TMEM201: variants seen among roughly 807,000 people sequenced by gnomAD.
TMEM201 encodes RP13-15M17.2.
Under a neutral mutation model 63.4 loss-of-function variants are expected in TMEM201, and 26 were observed. The ratio of observed to expected loss-of-function variants is 0.41; its 90% CI spans 0.30 to 0.57. TMEM201 has a LOEUF of 0.57. TMEM201 is among the 20% of genes least tolerant of loss of function. TMEM201 has a pLI of 0.29. For missense variants in TMEM201, 794 were observed against 917.7 expected (o/e 0.87, Z 1.74); for synonymous variants, 417 against 421.6 (o/e 0.99, Z 0.14).
intron 1 of TMEM201, among the ~76,000 whole-genome samples, chr1:9,591,913 G>T (rs548190344): frequency 6.6e-6 from 1 of 152,246 alleles, no homozygotes; most frequent in Admixed American, 6.5e-5. Flanking sequence ...CAGATGCCCC[G>T]CTTATTGGCC....
chr1:9,599,885 A>G (rs1644103827), intron 4 of TMEM201, among the ~76,000 whole-genome samples: 1 of 152,238 alleles, frequency 6.6e-6, no homozygotes, highest in South Asian at 2.1e-4. Context: ...GGCGTGAGCC[A>G]CTGCGCCCGG....
chr1:9,607,572 C>G lies in TMEM201; in HGVS notation c.1176C>G (p.Asp392Glu). 3 of 1,549,998 alleles carry G rather than the reference C, an allele frequency of 1.9e-6. No individual in the cohort carries two copies. The South Asian group carries it at 3.6e-5, about 18-fold the overall frequency. ...GCCCTTGCAGGTTCTTCCCAGGAGA[C>G]TCTGCCGGCCTTTTCCCCACCAGCC... is the stretch of plus-strand genomic sequence containing the variant. ...RFRPRRFFPG[D>E]SAGLFPTSPS... is the part of the protein sequence containing the mutation. The change falls in exon 7 of 11, where the codon GAC (aspartate) becomes GAG (glutamate). Residue 392 changes from aspartate (D) to glutamate (E), a missense_variant. Physicochemically the swap from Asp to Glu is conservative, Grantham distance 45 (BLOSUM62 2). Transcript: ENST00000340381. This position sits in a 1 kb window ranked among gnomAD's most constrained non-coding sequence, Gnocchi z 5.4.
At chr1:9,596,563 C>T (rs908008537) in intron 2 of TMEM201, among the ~76,000 whole-genome samples, 9 of 152,264 alleles carry the variant, frequency 5.9e-5, no homozygotes, top group South Asian at 2.1e-4. Context: ...GACTGAGTTC[C>T]GAGAGGGTAG....
At chr1:9,612,743 A>AT (rs1001479455) in intron 10 of TMEM201, among the ~76,000 whole-genome samples, 45 of 152,292 alleles carry the variant, frequency 3.0e-4, no homozygotes, top group African/African-American at 9.1e-4. Flanking sequence ...AGCCCAGCCC[A>AT]TGGCCTTCCT....
At chr1:9,591,169 A>G (rs1255573715) in intron 1 of TMEM201, among the ~76,000 whole-genome samples, 2 of 152,194 alleles carry the variant, frequency 1.3e-5, no homozygotes, top group African/African-American at 2.4e-5. Context: ...TCTCGCTTCC[A>G]TGGTTGTTAC....
In TMEM201 at chr1:9,610,592, T is replaced by C. The variant is rs1356026768; in HGVS notation, c.1552T>C (p.Ser518Pro). ...CGTGGCCGGCTCGGTGGCCTCCAGC[T>C]CCGGCTCTCTGCGCCACCGCAGGCC... is the stretch of plus-strand genomic sequence containing the variant. ...PSVAGSVASS[S>P]GSLRHRRPLI... is the part of the protein sequence containing the mutation. The change falls in exon 9 of 11, where the codon TCC (serine) becomes CCC (proline). Residue 518 changes from serine (S) to proline (P), a missense_variant. Physicochemically the swap from Ser to Pro is moderately conservative, Grantham distance 74 (BLOSUM62 -1). Coordinates refer to ENST00000340381, the MANE Select transcript of TMEM201 (RefSeq NM_001130924.3). This position sits in a 1 kb window ranked among gnomAD's most constrained non-coding sequence, Gnocchi z 4.9. 6 of 1,550,308 alleles carry C rather than the reference T, an allele frequency of 3.9e-6. No homozygotes were observed. In the East Asian group the frequency reaches 1.5e-4, roughly 38 times the overall value.
In TMEM201 at chr1:9,597,033, G is replaced by A. The variant is rs149524164; in HGVS notation, c.409G>A (p.Ala137Thr). The change falls in exon 3 of 11, where the codon GCC becomes ACC. Residue 137 changes from alanine (A) to threonine (T), a missense_variant. Coordinates refer to ENST00000340381, the MANE Select transcript of TMEM201 (RefSeq NM_001130924.3). The stretch of plus-strand genomic sequence containing the variant: ...GACCACCAAGATCAAGCAGCTGGCC[G>A]CCTTCGCTCCCCGCGAGGAGGTGAG... ...HQTTKIKQLA[A>T]FAPREEGRYD... 3.3e-5 allele frequency: 53 copies of A among 1,606,738 alleles called. No individual in the cohort carries two copies. Among genetic ancestry groups the A allele is most frequent in the Non-Finnish European group, 4.1e-5 (48 of 1,175,114 alleles).
Position 9,610,460 on chromosome 1 carries a change from C to A in TMEM201, c.1466-46C>A. 6.9e-7 allele frequency: 1 copy of A among 1,446,868 alleles called. No homozygotes were observed. The highest frequency in any genetic ancestry group is 9.2e-7 in the Non-Finnish European group (1 of 1,088,730). The allele number at this position is 1,446,868 out of a possible 1,614,324, so 89.6% of individuals were successfully genotyped here. A position where few individuals can be genotyped will look rare whatever the true frequency, so the allele number is the denominator to read the frequency against. The stretch of plus-strand genomic sequence containing the variant: ...AATGAAATAGCGCATTGTAGCGTTG[C>A]AGTGACAGGAGCCCACGTTCACATC... On this transcript the variant is annotated intron_variant, in intron 8 of 10. Transcript: ENST00000340381. The surrounding 1 kb of genome is among the most constrained non-coding windows in gnomAD (Gnocchi z 4.9).
rs760445911 is a variant in TMEM201 at position 9,612,994 on chromosome 1, G to A, written c.1912G>A (p.Gly638Ser). Reference protein sequence around the residue: ...EEAATWRGRFGPSLVRGLLAV... With the variant: ...EEAATWRGRFSPSLVRGLLAV... ...AGGTCTCTGCTTTGCAGGTCGTTTC[G>A]GCCCTTCCCTGGTCCGGGGCCTCCT... Residue 638 changes from glycine (G) to serine (S), a missense_variant, in exon 11 of 11, where the codon GGC becomes AGC. Coordinates refer to ENST00000340381, the MANE Select transcript of TMEM201 (RefSeq NM_001130924.3). 2.0e-5 allele frequency: 31 copies of A among 1,551,428 alleles called. No individual in the cohort carries two copies. The highest frequency in any genetic ancestry group is 2.7e-5 in the African/African-American group (2 of 73,048).
chr1:9,611,917 A>C, intron 10 of TMEM201, 27 bp downstream of exon 10: 19 of 830,362 alleles, frequency 2.3e-5, no homozygotes, highest in Non-Finnish European at 3.4e-5. Flanking sequence ...GCGGGAGGGG[A>C]GGGGGTGGGC....
rs1006874444 is a variant in TMEM201 at position 9,607,425 on chromosome 1, G to C, written c.1161-132G>C. ...GGATTGCTTTTCTGCTTTAACTAAC[G>C]CACGCCTCCTCTGGGACCCCAGCTG... On this transcript the variant is annotated intron_variant, in intron 6 of 10. Transcript: ENST00000340381. This position sits in a 1 kb window ranked among gnomAD's most constrained non-coding sequence, Gnocchi z 5.4. 1 of 667,500 alleles carries C rather than the reference G, an allele frequency of 1.5e-6. No homozygotes were observed. The highest frequency in any genetic ancestry group is 2.5e-6 in the Non-Finnish European group (1 of 400,018). The allele number at this position is 667,500 out of a possible 1,614,324, so 41.3% of individuals were successfully genotyped here.
At chr1:9,602,992 G>A (rs1644175977) in intron 6 of TMEM201, 45 of 985,478 alleles carry the variant, frequency 4.6e-5, no homozygotes, top group Non-Finnish European at 5.4e-5. Flanking sequence ...CCATGAGTTT[G>A]GGGAGCGAGA....
At chr1:9,597,110 G>C in intron 3 of TMEM201, 57 bp downstream of exon 3, 7 of 1,544,148 alleles carry the variant, frequency 4.5e-6, no homozygotes, top group Non-Finnish European at 6.1e-6. Flanking sequence ...GCTTAGAGCA[G>C]CCGGGGGACA....
intron 2 of TMEM201, 32 bp from the exon 3 acceptor site, chr1:9,596,827 T>C (rs774099440): frequency 7.1e-6 from 11 of 1,553,396 alleles, no homozygotes; most frequent in Non-Finnish European, 9.6e-6. Flanking sequence ...TGGGAGGGCC[T>C]GCCTGCCTCG....
At chr1:9,593,296 G>A (rs1643952422) in intron 1 of TMEM201, among the ~76,000 whole-genome samples, 1 of 152,210 alleles carries the variant, frequency 6.6e-6, no homozygotes, top group Non-Finnish European at 1.5e-5. Flanking sequence ...GCTGGTGCCT[G>A]GGGGACCTGC....
intron 6 of TMEM201, 151 bp downstream of exon 6, chr1:9,602,423 G>A (rs1334921020): frequency 7.2e-7 from 1 of 1,388,964 alleles, no homozygotes; most frequent in Non-Finnish European, 9.5e-7. Context: ...TCCTGGCCCA[G>A]TCCCTCCACT....
At position 9,604,897 on chromosome 1, in the gene TMEM201, G is replaced by A. The variant is rs1394891656; in HGVS notation, c.1160+2625G>A. The A allele has an allele frequency of 3.0e-6, 3 of 985,828 alleles. No homozygotes were observed. The highest frequency in any genetic ancestry group is 3.6e-6 in the Non-Finnish European group (3 of 829,984). The allele number at this position is 985,828 out of a possible 1,614,324, so 61.1% of individuals were successfully genotyped here. ...TGTAACCATCGCGCCTGGCCTAGAT[G>A]TCGTGTTTTGGATGCTGTGTTTTCA... On this transcript the variant is annotated intron_variant, in intron 6 of 10. Transcript: ENST00000340381. The surrounding 1 kb of genome is among the most constrained non-coding windows in gnomAD (Gnocchi z 4.1).
At chr1:9,594,684 C>G (rs886500714) in intron 1 of TMEM201, among the ~76,000 whole-genome samples, 1 of 152,212 alleles carries the variant, frequency 6.6e-6, no homozygotes, top group Non-Finnish European at 1.5e-5. Flanking sequence ...CCAGCCTCCC[C>G]CTCAGGCCCC....
rs751472298 is a variant in TMEM201, at chr1:9,602,073, C to T, written c.961C>T (p.Arg321Trp). 1.9e-5 allele frequency: 30 copies of T among 1,611,062 alleles called. No homozygotes were observed. Among genetic ancestry groups the T allele is most frequent in the African/African-American group, 4.0e-5 (3 of 74,894 alleles). Residue 321 changes from arginine (R) to tryptophan (W), a missense_variant, in exon 6 of 11, where the codon CGG (arginine) becomes TGG (tryptophan). Transcript: ENST00000340381. ...ACCCCGCTGCTTCCCTTTCAGGCTCCGGAGGATCGATGCCTTCTGCACCTG... is the reference window on the plus strand; with the variant it reads ...ACCCCGCTGCTTCCCTTTCAGGCTCTGGAGGATCGATGCCTTCTGCACCTG... ...AMLLAGRIRL[R>W]RIDAFCTCLW...
Sources: allele counts gnomAD v4.1 joint callset (sites outside exome capture counted in the v4.1 genomes callset), GRCh38; gene constraint gnomAD v4.1.1; non-coding constraint Gnocchi (gnomAD v3.1); transcripts MANE v1.5; gene names NCBI Gene and HGNC (gene_info 2026-07-23, HGNC 2026-07-21).